SRSF3: variants seen among roughly 807,000 people sequenced by gnomAD.
SRSF3 encodes serine/arginine-rich splicing factor 3.
For missense variants in SRSF3, 58 were observed against 217.1 expected (o/e 0.27, Z 4.61); for synonymous variants, 87 against 73.6 (o/e 1.18, Z -0.93).
chr6:36,596,108 T>G (rs1415278737), intron 1 of SRSF3, among the ~76,000 whole-genome samples: 1 of 152,038 alleles, frequency 6.6e-6, no homozygotes, highest in Non-Finnish European at 1.5e-5. Context: ...TATTTTTAGT[T>G]GTGACGGGGT....
chr6:36,603,848 T>TA lies in SRSF3; in HGVS notation c.*1860dup. The stretch of plus-strand genomic sequence containing the variant: ...AACTTATGTGGGCATTTTTGGGCAG[T>TA]ATATGACTTCCTTGCAGGCTCTTAA... On this transcript the variant is annotated 3_prime_UTR_variant, in exon 6 of 6. Coordinates refer to ENST00000373715, the MANE Select transcript of SRSF3 (RefSeq NM_003017.5). 4.3e-6 allele frequency: 1 copy of TA among 231,650 alleles called. No homozygotes were observed. The highest frequency in any genetic ancestry group is 5.6e-5 in the Admixed American group (1 of 17,754). 14.3% of individuals were successfully genotyped at this position (231,650 alleles called of 1,614,324 possible). A position where few individuals can be genotyped will look rare whatever the true frequency, so the allele number is the denominator to read the frequency against.
At chr6:36,595,346 ATC>A (rs1178374538) in intron 1 of SRSF3, among the ~76,000 whole-genome samples, 2 of 152,240 alleles carry the variant, frequency 1.3e-5, no homozygotes, top group African/African-American at 2.4e-5. Context: ...AGTAGCAAAT[ATC>A]TCTTTGTAAT....
At position 36,602,025 on chromosome 6, in the gene SRSF3, T is replaced by A; in HGVS notation, c.*36T>A. On this transcript the variant is annotated 3_prime_UTR_variant, in exon 6 of 6. Transcript: ENST00000373715. ...GCAAGAGAAGTGGTGTACAGGAAAT[T>A]ACTTCATTTGACAGGAGTATGTACA... 6.3e-7 allele frequency: 1 copy of A among 1,582,802 alleles called. No individual in the cohort carries two copies. Among genetic ancestry groups the A allele is most frequent in the Non-Finnish European group, 8.5e-7 (1 of 1,171,582 alleles).
intron 3 of SRSF3, chr6:36,599,458 A>G (rs549873708): frequency 1.5e-5 from 3 of 203,234 alleles, no homozygotes; most frequent in African/African-American, 6.9e-5. Flanking sequence ...GGGGGCTAAA[A>G]AAGAAGTAAT....
rs1294380819 is a variant in SRSF3, at chr6:36,598,911, G to A, written c.269G>A (p.Arg90His). 3 of 1,613,960 alleles carry A rather than the reference G, an allele frequency of 1.9e-6. No homozygotes were observed. The highest frequency in any genetic ancestry group is 2.2e-5 in the East Asian group (1 of 44,896). ...AATGGTGAAAAAAGAAGTAGAAATC[G>A]TGGCCCACCTCCCTCTTGGGGTCGT... is the stretch of plus-strand genomic sequence containing the variant. Reference protein sequence around the residue: ...LSNGEKRSRNRGPPPSWGRRP... With the variant: ...LSNGEKRSRNHGPPPSWGRRP... Residue 90 changes from arginine to histidine, a missense_variant, in exon 3 of 6, where the codon CGT becomes CAT. Physicochemically the swap from Arg to His is conservative, Grantham distance 29 (BLOSUM62 0). Coordinates refer to ENST00000373715, the MANE Select transcript of SRSF3 (RefSeq NM_003017.5).
Position 36,604,614 on chromosome 6 carries a change from TC to T in SRSF3, c.*2627del. On this transcript the variant is annotated 3_prime_UTR_variant, in exon 6 of 6. Transcript: ENST00000373715. The stretch of plus-strand genomic sequence containing the variant: ...CCTTACAAACGTGATCCCGTCAGCG[TC>T]CATGACACTCCCACCCTGTTAGACT... 5.9e-6 allele frequency: 1 copy of T among 168,400 alleles called. No individual in the cohort carries two copies. The highest frequency in any genetic ancestry group is 1.3e-5 in the Non-Finnish European group (1 of 77,378). The allele number at this position is 168,400 out of a possible 1,614,324, so 10.4% of individuals were successfully genotyped here. A position where few individuals can be genotyped will look rare whatever the true frequency, so the allele number is the denominator to read the frequency against.
intron 3 of SRSF3, 85 bp from the exon 4 acceptor site, chr6:36,601,067 A>C (rs1339275399): frequency 2.2e-5 from 23 of 1,049,184 alleles, no homozygotes; most frequent in Non-Finnish European, 3.1e-5. Context: ...CACTGGGCCC[A>C]ACAGTGAGAT....
chr6:36,603,349 C>G lies in SRSF3; in HGVS notation c.*1360C>G. 1 of 224,776 alleles carries G rather than the reference C, an allele frequency of 4.4e-6. No individual in the cohort carries two copies. The highest frequency in any genetic ancestry group is 8.9e-6 in the Non-Finnish European group (1 of 112,502). The allele number at this position is 224,776 out of a possible 1,614,324, so 13.9% of individuals were successfully genotyped here. A position where few individuals can be genotyped will look rare whatever the true frequency, so the allele number is the denominator to read the frequency against. ...AACAGTGCAGAATTGAATATGGAGG[C>G]ATGCATAACCTTCCTCTTAGAAAAT... On this transcript the variant is annotated 3_prime_UTR_variant, in exon 6 of 6. Transcript: ENST00000373715.
intron 1 of SRSF3, among the ~76,000 whole-genome samples, chr6:36,595,934 T>G (rs916165338): frequency 3.9e-5 from 6 of 152,068 alleles, no homozygotes; most frequent in African/African-American, 1.2e-4. Flanking sequence ...TATTTGTGGT[T>G]TTTTTTTGGC....
In SRSF3 at chr6:36,602,878, C is replaced by T. The variant is rs1250899329; in HGVS notation, c.*889C>T. The T allele has an allele frequency of 9.6e-6, 2 of 208,488 alleles. No individual in the cohort carries two copies. The highest frequency in any genetic ancestry group is 1.2e-4 in the Admixed American group (2 of 16,932). The allele number at this position is 208,488 out of a possible 1,614,324, so 12.9% of individuals were successfully genotyped here. ...CTATTGGAAGCCATACTTATATTTT[C>T]TTGTAAAGTGCTTTTGAATTAATAA... On this transcript the variant is annotated 3_prime_UTR_variant, in exon 6 of 6. Coordinates refer to ENST00000373715, the MANE Select transcript of SRSF3 (RefSeq NM_003017.5).
chr6:36,595,413 T>G (rs1439534246), intron 1 of SRSF3, among the ~76,000 whole-genome samples: 5 of 152,334 alleles, frequency 3.3e-5, no homozygotes, highest in African/African-American at 9.6e-5. Context: ...CAGTGTTGTG[T>G]AATCATCACT....
At chr6:36,599,059 T>C in intron 3 of SRSF3, 76 bp downstream of exon 3, 4 of 1,540,104 alleles carry the variant, frequency 2.6e-6, no homozygotes, top group Non-Finnish European at 3.5e-6. Context: ...CTCTTAAGTT[T>C]GTTGGTGGGT....
rs73408347 is a variant in SRSF3, at chr6:36,604,132, T to C, written c.*2143T>C. The C allele has an allele frequency of 0.024, 5,438 of 223,064 alleles. 79 individuals carry two copies. The highest frequency in any genetic ancestry group is 0.039 in the African/African-American group (1,756 of 44,858). 13.8% of individuals were successfully genotyped at this position (223,064 alleles called of 1,614,324 possible). On this transcript the variant is annotated 3_prime_UTR_variant, in exon 6 of 6. Transcript: ENST00000373715. ...TAGGAATTTTTAAAGTTGTAATTCC[T>C]AAAATAACAGGTCACACTAACCGGT...
At chr6:36,601,912 C>T (rs779793713) in intron 5 of SRSF3, 50 bp from the exon 6 acceptor site, 17 of 1,582,660 alleles carry the variant, frequency 1.1e-5, no homozygotes, top group Middle Eastern at 1.7e-4. Flanking sequence ...TAAAGTGTCA[C>T]CAAGTTACAG....
In SRSF3 at chr6:36,596,578, G is replaced by T. The variant is rs1014421088; in HGVS notation, c.-2-183G>T. Among the ~76,000 whole-genome samples, 35 of 144,066 alleles carry T rather than the reference G, an allele frequency of 2.4e-4. 4 individuals carry two copies. Among genetic ancestry groups the T allele is most frequent in the East Asian group, 6.8e-4 (3 of 4,394 alleles). 94.5% of individuals were successfully genotyped at this position (144,066 alleles called of 152,430 possible). ...AAAGATAATGGGGCGGGGTGGCGGG[G>T]GGGGGGAAATGGGTGCTTAGCAGTA... On this transcript the variant is annotated intron_variant, in intron 1 of 5. Coordinates refer to ENST00000373715, the MANE Select transcript of SRSF3 (RefSeq NM_003017.5).
chr6:36,596,618 G>C, intron 1 of SRSF3, 143 bp from the exon 2 acceptor site: 1 of 630,960 alleles, frequency 1.6e-6, no homozygotes, highest in South Asian at 2.1e-5. Context: ...TTCTTGTTTG[G>C]TTTCTAGCAT....
chr6:36,598,647 G>T (rs544247508), intron 2 of SRSF3: 2 of 556,408 alleles, frequency 3.6e-6, no homozygotes, highest in African/African-American at 3.8e-5. Flanking sequence ...CTCATAAAGT[G>T]TTGGGATTAC....
intron 1 of SRSF3, among the ~76,000 whole-genome samples, chr6:36,595,350 CTTTG>C (rs1778609081): frequency 6.6e-6 from 1 of 152,116 alleles, no homozygotes; most frequent in Non-Finnish European, 1.5e-5. Flanking sequence ...GCAAATATCT[CTTTG>C]TAATTTTTTA....
intron 1 of SRSF3, 68 bp from the exon 2 acceptor site, chr6:36,596,693 T>A: frequency 7.1e-7 from 1 of 1,409,738 alleles, no homozygotes; most frequent in Non-Finnish European, 1.0e-6. Context: ...TGGAGTTCTT[T>A]CTAAGGATCT....
Sources: allele counts gnomAD v4.1 joint callset (sites outside exome capture counted in the v4.1 genomes callset), GRCh38; gene constraint gnomAD v4.1.1; transcripts MANE v1.5; gene names NCBI Gene and HGNC (gene_info 2026-07-23, HGNC 2026-07-21).